Variants in SAMSN1 observed in about 807,000 individuals in gnomAD.
SAMSN1 encodes the protein SAM domain, SH3 domain and nuclear localization signals 1, also known as SAM domain-containing protein SAMSN-1.
In SAMSN1, 31 loss-of-function variants were observed where a neutral mutation model predicts 42.0. The observed-to-expected ratio is 0.74, with a 90% CI of 0.55 to 1.00. The LOEUF is 1.00. Ranked by LOEUF, SAMSN1 falls within the 50% of genes least tolerant of loss-of-function variation. The probability of loss-of-function intolerance (pLI) is 0.00; values close to 1 mark genes in which losing one functional copy is unlikely to be tolerated. For synonymous variants in SAMSN1, 178 were observed against 151.9 expected, an observed-to-expected ratio of 1.17 and a Z score of -1.26; for missense variants, 464 against 439.4, an observed-to-expected ratio of 1.06 and a Z score of -0.50.
In SAMSN1 at chr21:14,577,261, TA is replaced by T. The variant is rs1568816083; in HGVS notation, c.261+4874del. ...GTGTATATATATATATATATATATA[TA>T]TATATATATATATATATATATATTT... On this transcript the variant is annotated intron_variant, in intron 2 of 8. Coordinates refer to the SAMSN1 transcript ENST00000285670. Among the ~76,000 whole-genome samples the T allele has an allele frequency of 1.2e-4, 6 of 48,062 alleles. No homozygotes were observed. In the South Asian group the frequency reaches 1.9e-3, roughly 15 times the overall value. The allele number at this position is 48,062 out of a possible 152,430, so 31.5% of individuals were successfully genotyped here.
At chr21:14,507,255 A>G (rs1424626471) in intron 5 of SAMSN1, among the ~76,000 whole-genome samples, 1 of 152,198 alleles carries the variant, frequency 6.6e-6, no homozygotes, top group East Asian at 1.9e-4. Context: ...TCAAACTGTC[A>G]CTGTTTTCTG....
chr21:14,510,324 A>G lies in SAMSN1; in HGVS notation c.547T>C (p.Ser183Pro). ...DFTPSPYDTD[S>P]LKIKKGDIID... is the part of the protein sequence containing the mutation. ...TGTCCTCTCACCTTGATTTTGAGGG[A>G]GTCAGTGTCATAGGGACTTGGCGTG... The change falls in exon 5 of 8, where the codon TCC becomes CCC. Residue 183 changes from serine (S) to proline (P), a missense_variant. Physicochemically the swap from Ser to Pro is moderately conservative, Grantham distance 74. Transcript: ENST00000400566. 6.2e-7 allele frequency: 1 copy of G among 1,614,094 alleles called. No individual in the cohort carries two copies. The highest frequency in any genetic ancestry group is 1.7e-5 in the Admixed American group (1 of 60,032).
chr21:14,610,040 G>T (rs914692108), intron 4 of SAMSN1, among the ~76,000 whole-genome samples: 1 of 152,154 alleles, frequency 6.6e-6, no homozygotes, highest in Admixed American at 6.6e-5. Context: ...TAGAGCATGT[G>T]TGTTTGAACA....
chr21:14,625,859 C>A (rs367656923), intron 2 of SAMSN1, among the ~76,000 whole-genome samples: 116 of 152,258 alleles, frequency 7.6e-4, no homozygotes, highest in African/African-American at 2.7e-3. Context: ...GGAGGCATCA[C>A]GCTACCTGAC....
chr21:14,622,182 C>T lies in SAMSN1; in HGVS notation c.157-6166G>A, dbSNP rs559009576. On this transcript the variant is annotated intron_variant, in intron 2 of 15. Transcript: ENST00000647101. ...AACCACAAAGATGGGGTAAAAACAGCAGAAAAGCTGAAAATTCTAAAAACC... is the reference window on the plus strand; with the variant it reads ...AACCACAAAGATGGGGTAAAAACAGTAGAAAAGCTGAAAATTCTAAAAACC... Among the ~76,000 whole-genome samples, 4 of 152,186 alleles carry T rather than the reference C, an allele frequency of 2.6e-5. No individual in the cohort carries two copies. The East Asian group carries it at 5.8e-4, about 22-fold the overall frequency.
At chr21:14,619,212 G>T (rs1321564044) in intron 2 of SAMSN1, among the ~76,000 whole-genome samples, 2 of 152,208 alleles carry the variant, frequency 1.3e-5, no homozygotes, top group African/African-American at 4.8e-5. Context: ...ACTAATATGT[G>T]CCTGTTTCTT....
intron 3 of SAMSN1, among the ~76,000 whole-genome samples, chr21:14,515,101 T>C (rs1333406436): frequency 1.3e-5 from 2 of 151,918 alleles, no homozygotes; most frequent in African/African-American, 4.8e-5. Flanking sequence ...GTTTTATATG[T>C]AAGGAAATCA....
intron 2 of SAMSN1, among the ~76,000 whole-genome samples, chr21:14,625,456 A>G (rs1983140805): frequency 6.6e-6 from 1 of 152,242 alleles, no homozygotes; most frequent in African/African-American, 2.4e-5. Flanking sequence ...CAATGTACAA[A>G]AATCACAAGC....
Position 14,520,661 on chromosome 21 carries a change from C to T in SAMSN1, c.129+489G>A, listed in dbSNP as rs143004207. ...TAAAACAGCTTGAAGGCTGAAAAACCAGACTGATGATCCTGGATGAAGCCC... is the reference window on the plus strand; with the variant it reads ...TAAAACAGCTTGAAGGCTGAAAAACTAGACTGATGATCCTGGATGAAGCCC... On this transcript the variant is annotated intron_variant, in intron 2 of 7. Coordinates refer to ENST00000400566, the MANE Select transcript of SAMSN1 (RefSeq NM_022136.5). Among the ~76,000 whole-genome samples, 863 of 152,224 alleles carry T rather than the reference C, an allele frequency of 5.7e-3. 2 individuals are homozygous for T. The highest frequency in any genetic ancestry group is 9.3e-3 in the Non-Finnish European group (631 of 68,012).
chr21:14,498,716 T>C lies in SAMSN1; in HGVS notation c.769-124A>G, dbSNP rs1987010771. 9.5e-6 allele frequency: 6 copies of C among 630,736 alleles called. No homozygotes were observed. The Admixed American group carries it at 2.2e-4, about 24-fold the overall frequency. The allele number at this position is 630,736 out of a possible 1,614,324, so 39.1% of individuals were successfully genotyped here. A position where few individuals can be genotyped will look rare whatever the true frequency, so the allele number is the denominator to read the frequency against. ...CAAAGGTGCCAATAGAACTTTTACT[T>C]AACTTCACTTGTATTCGTTTCTGAC... On this transcript the variant is annotated intron_variant, in intron 6 of 7. Coordinates refer to ENST00000400566, the MANE Select transcript of SAMSN1 (RefSeq NM_022136.5).
At chr21:14,496,532 T>C (rs150856421) in intron 7 of SAMSN1, 1 of 152,370 alleles carries the variant, frequency 6.6e-6, no homozygotes, top group East Asian at 1.9e-4. Flanking sequence ...TAAAACTCTA[T>C]AGAATCTACT....
chr21:14,546,666 A>AT (rs1294126201), upstream of SAMSN1, among the ~76,000 whole-genome samples: 1 of 108,300 alleles, frequency 9.2e-6, no homozygotes, highest in Non-Finnish European at 1.9e-5. Context: ...GTTTTCTATT[A>AT]TTTAAAAAAA....
At chr21:14,513,110 G>A (rs373897287) in intron 3 of SAMSN1, among the ~76,000 whole-genome samples, 120 of 152,258 alleles carry the variant, frequency 7.9e-4, no homozygotes, top group African/African-American at 2.8e-3. Flanking sequence ...TACCATGCTT[G>A]CCACCTAGTC....
At chr21:14,498,866 G>A (rs1191425191) in intron 6 of SAMSN1, among the ~76,000 whole-genome samples, 3 of 152,104 alleles carry the variant, frequency 2.0e-5, no homozygotes. Context: ...TTAAATAGTT[G>A]GATCATGCAT....
chr21:14,495,627 C>G (rs990463168), intron 7 of SAMSN1: 1 of 152,172 alleles, frequency 6.6e-6, no homozygotes, highest in Non-Finnish European at 1.5e-5. Flanking sequence ...TAATCAACTT[C>G]TAGTGACCTT....
intron 3 of SAMSN1, among the ~76,000 whole-genome samples, chr21:14,613,235 T>C (rs1269680929): frequency 3.9e-5 from 6 of 152,190 alleles, no homozygotes; most frequent in Non-Finnish European, 8.8e-5. Flanking sequence ...CAAATAAATA[T>C]GTCAATAAAT....
intron 5 of SAMSN1, among the ~76,000 whole-genome samples, chr21:14,502,755 C>T (rs1987223206): frequency 6.6e-6 from 1 of 152,142 alleles, no homozygotes; most frequent in African/African-American, 2.4e-5. Context: ...ATTCCATATA[C>T]ATAACTAAGG....
At chr21:14,655,105 C>T (rs1467447957) in intron 1 of SAMSN1, among the ~76,000 whole-genome samples, 1 of 150,534 alleles carries the variant, frequency 6.6e-6, no homozygotes, top group Non-Finnish European at 1.5e-5. Context: ...ATGATGAAAC[C>T]AAAACAGAAA....
intron 1 of SAMSN1, among the ~76,000 whole-genome samples, chr21:14,538,486 A>G (rs928836421): frequency 2.0e-5 from 3 of 152,234 alleles, no homozygotes; most frequent in South Asian, 2.1e-4. Context: ...AAGATTAAAC[A>G]TAATAATGGA....
Sources: gnomAD v4.1 joint callset for allele counts (sites outside exome capture counted in the v4.1 genomes callset) on GRCh38, gnomAD v4.1.1 for gene constraint, MANE v1.5 for transcripts, NCBI Gene and HGNC (gene_info 2026-07-23, HGNC 2026-07-21) for gene names.